Variants in JPH3 observed in about 807,000 individuals in gnomAD.
The protein encoded by JPH3 is junctophilin 3.
A neutral mutation model predicts 59.6 loss-of-function variants in JPH3; 11 were observed. The observed-to-expected ratio is 0.18, with a 90% CI of 0.12 to 0.31. The LOEUF (loss-of-function observed/expected upper bound fraction) is 0.31. Ranked by LOEUF, JPH3 falls within the 10% of genes least tolerant of loss-of-function variation. The probability of loss-of-function intolerance (pLI) is 1.00; values close to 1 mark genes in which losing one functional copy is unlikely to be tolerated. For synonymous variants in JPH3, 673 were observed against 483.6 expected (o/e 1.39, Z -5.14); for missense variants, 1,202 against 1,105.7 (o/e 1.09, Z -1.24).
intron 2 of JPH3, 41 bp downstream of exon 2, chr16:87,645,076 G>C: frequency 6.4e-7 from 1 of 1,563,126 alleles, no homozygotes; most frequent in Non-Finnish European, 8.6e-7. Flanking sequence ...TTGGTGCCCA[G>C]AAGGTGTTTG....
chr16:87,627,492 T>C (rs920105301), intron 1 of JPH3, among the ~76,000 whole-genome samples: 7 of 152,188 alleles, frequency 4.6e-5, no homozygotes, highest in African/African-American at 1.7e-4. Context: ...TAACATGCTT[T>C]GTAAGTGCAG....
intron 1 of JPH3, among the ~76,000 whole-genome samples, chr16:87,622,336 G>T (rs2031215442): frequency 1.3e-5 from 2 of 152,230 alleles, no homozygotes; most frequent in African/African-American, 2.4e-5. Flanking sequence ...TTCCCAGGGG[G>T]CACCCAAGCC....
At chr16:87,669,553 G>A (rs1457928545) in intron 2 of JPH3, among the ~76,000 whole-genome samples, 7 of 152,296 alleles carry the variant, frequency 4.6e-5, no homozygotes, top group African/African-American at 1.4e-4. Flanking sequence ...CGGTGCTCAC[G>A]ACAGAAAGCA....
intron 2 of JPH3, among the ~76,000 whole-genome samples, chr16:87,665,470 G>A (rs1287934892): frequency 2.0e-5 from 3 of 152,208 alleles, no homozygotes; most frequent in Admixed American, 1.3e-4. Flanking sequence ...TTGGAGAATC[G>A]TGATTCTGGG....
At chr16:87,617,898 C>T (rs1004161029) in intron 1 of JPH3, among the ~76,000 whole-genome samples, 1 of 152,102 alleles carries the variant, frequency 6.6e-6, no homozygotes, top group Non-Finnish European at 1.5e-5. Flanking sequence ...CGCGGTGGCT[C>T]ATGCCTGTAA....
chr16:87,617,081 G>A (rs1001538386), intron 1 of JPH3, among the ~76,000 whole-genome samples: 5 of 151,428 alleles, frequency 3.3e-5, no homozygotes, highest in African/African-American at 4.9e-5. Context: ...AAAATTAGCC[G>A]GGTGCGGTGG....
chr16:87,673,917 C>T (rs1419799893), intron 2 of JPH3, among the ~76,000 whole-genome samples: 3 of 151,338 alleles, frequency 2.0e-5, no homozygotes, highest in Non-Finnish European at 2.9e-5. Flanking sequence ...CACAGCGAGA[C>T]TCTGTCTCAA....
chr16:87,614,311 A>G (rs1354625882), intron 1 of JPH3, among the ~76,000 whole-genome samples: 3 of 152,018 alleles, frequency 2.0e-5, no homozygotes, highest in African/African-American at 7.3e-5. Flanking sequence ...CCCTCCAAGG[A>G]TAAAGGCAGG....
intron 1 of JPH3, among the ~76,000 whole-genome samples, chr16:87,614,787 T>C (rs28668992): frequency 3.5e-4 from 36 of 102,196 alleles, no homozygotes; most frequent in Admixed American, 1.0e-3. Flanking sequence ...AGGAGCCGCG[T>C]GTCCTCTCCC....
intron 1 of JPH3, among the ~76,000 whole-genome samples, chr16:87,642,273 C>T (rs938445392): frequency 6.6e-6 from 1 of 151,880 alleles, no homozygotes; most frequent in Non-Finnish European, 1.5e-5. Flanking sequence ...GAGTGGAGGG[C>T]TGCTTCGCTC....
chr16:87,684,128 C>T lies in JPH3; in HGVS notation c.1161-14C>T, dbSNP rs1567613515. The T allele has an allele frequency of 3.7e-6, 6 of 1,612,306 alleles. No homozygotes were observed. Among genetic ancestry groups the T allele is most frequent in the Non-Finnish European group, 5.1e-6 (6 of 1,179,090 alleles). On this transcript the variant is annotated splice_polypyrimidine_tract_variant and intron_variant, in intron 2 of 4. Coordinates refer to ENST00000284262, the MANE Select transcript of JPH3 (RefSeq NM_020655.4). ...CCCCCTGCCCCCCCTCACGCTCCTC[C>T]CTGTCTCCCCCAGGACCTCCCACTC...
intron 2 of JPH3, among the ~76,000 whole-genome samples, chr16:87,660,247 C>T (rs774196929): frequency 6.6e-6 from 1 of 152,140 alleles, no homozygotes. Context: ...AAGACTCTCC[C>T]TGGATTCTGT....
At chr16:87,645,656 T>C (rs1033934508) in intron 2 of JPH3, among the ~76,000 whole-genome samples, 3 of 152,072 alleles carry the variant, frequency 2.0e-5, no homozygotes, top group Admixed American at 6.5e-5. Flanking sequence ...CCCTAAGGAA[T>C]GGGTCCAGAG....
At position 87,644,432 on chromosome 16, in the gene JPH3, C is replaced by A. The variant is rs142120839; in HGVS notation, c.557C>A (p.Ala186Asp). The change falls in exon 2 of 5, where the codon GCC becomes GAC. Residue 186 changes from alanine (A) to aspartate (D), a missense_variant. By Grantham distance (126) the Ala-to-Asp change is moderately radical (BLOSUM62 -2). Coordinates refer to ENST00000284262, the MANE Select transcript of JPH3 (RefSeq NM_020655.4). The part of the protein sequence containing the change: ...ALHPDASPAV[A>D]GSPAVSRGGF... ...CATCCCGACGCCTCTCCGGCGGTGG[C>A]CGGCAGCCCGGCCGTGTCCCGCGGG... The A allele has an allele frequency of 1.0e-3, 1,692 of 1,612,028 alleles. 4 individuals carry two copies. The highest frequency in any genetic ancestry group is 1.2e-3 in the Non-Finnish European group (1,431 of 1,179,346).
At position 87,673,477 on chromosome 16, in the gene JPH3, A is replaced by G. The variant is rs1267263220; in HGVS notation, c.1161-10665A>G. On this transcript the variant is annotated intron_variant, in intron 2 of 4. Coordinates refer to ENST00000284262, the MANE Select transcript of JPH3 (RefSeq NM_020655.4). ...ATTTAAACTGCAGCTTTAATTCAAC[A>G]GCGGCACTTCTGGAAGTATCTTCTG... Among the ~76,000 whole-genome samples, 3 of 152,202 alleles carry G rather than the reference A, an allele frequency of 2.0e-5. No homozygotes were observed. The East Asian group carries it at 5.8e-4, about 29-fold the overall frequency.
At chr16:87,662,420 G>A (rs1358067987) in intron 2 of JPH3, among the ~76,000 whole-genome samples, 4 of 136,716 alleles carry the variant, frequency 2.9e-5, no homozygotes, top group South Asian at 2.3e-4. Context: ...CTAGGCTCGC[G>A]TCTGATTTTT....
chr16:87,604,160 G>C, intron 1 of JPH3: 1 of 1,374,504 alleles, frequency 7.3e-7, no homozygotes. Context: ...TGCTCAGTGA[G>C]AGCCCAGGAA....
intron 1 of JPH3, among the ~76,000 whole-genome samples, chr16:87,636,037 C>A (rs1001371415): frequency 1.3e-5 from 2 of 152,116 alleles, no homozygotes; most frequent in Non-Finnish European, 2.9e-5. Context: ...CAGACCCTCG[C>A]GGCGGCCCAC....
Position 87,602,861 on chromosome 16 carries a change from T to TCCCTCCTCCCCTCCCC in JPH3, c.-284_-269dup, listed in dbSNP as rs2030296752. 2.2e-5 allele frequency: 1 copy of TCCCTCCTCCCCTCCCC among 44,552 alleles called. No homozygotes were observed. The highest frequency in any genetic ancestry group is 4.4e-5 in the Non-Finnish European group (1 of 22,984). 2.8% of individuals were successfully genotyped at this position (44,552 alleles called of 1,614,324 possible). A position where few individuals can be genotyped will look rare whatever the true frequency, so the allele number is the denominator to read the frequency against. ...GCCGCCGCCGCTCCTGCCCCCTCCC[T>TCCCTCCTCCCCTCCCC]CCCTCCTCCCCTCCCCCTCCCCTCC... On this transcript the variant is annotated 5_prime_UTR_variant, in exon 1 of 5. Coordinates refer to ENST00000284262, the MANE Select transcript of JPH3 (RefSeq NM_020655.4).
Sources: allele counts gnomAD v4.1 joint callset (sites outside exome capture counted in the v4.1 genomes callset), GRCh38; gene constraint gnomAD v4.1.1; transcripts MANE v1.5; gene names NCBI Gene and HGNC (gene_info 2026-07-23, HGNC 2026-07-21).